The following ACBD6 variants were observed in gnomAD, a reference collection of about 807,000 sequenced individuals.
The protein encoded by ACBD6 is acyl-CoA-binding domain-containing protein 6.
ACBD6 carries 28 observed loss-of-function variants against 37.2 expected under a neutral mutation model. That is an observed-to-expected ratio of 0.75 (90% CI 0.56 to 1.03). The LOEUF (loss-of-function observed/expected upper bound fraction) is 1.03. Among genes scored for constraint, ACBD6 ranks in the 50% least tolerant of loss-of-function variants. The pLI, the probability that ACBD6 is intolerant of heterozygous loss-of-function variation, is 0.00. For synonymous variants in ACBD6, 113 were observed against 126.8 expected (o/e 0.89, Z 0.73); for missense variants, 340 against 337.4 (o/e 1.01, Z -0.06).
chr1:180,306,447 A>T (rs1162600858), intron 7 of ACBD6, among the ~76,000 whole-genome samples: 1 of 152,156 alleles, frequency 6.6e-6, no homozygotes, highest in African/African-American at 2.4e-5. Context: ...GTGCCCTGTT[A>T]ACCCCTTCTA....
rs751971723 is a variant in ACBD6 at position 180,502,178 on chromosome 1, A to G, written c.89T>C (p.Phe30Ser). ...CTCCTCGATCTCAGGGCTATGGGGG[A>G]ACTCCACCTCCCCGGAGTCGTCCCC... Reference protein sequence around the residue: ...SSGDDSGEVEFPHSPEIEETS... With the variant: ...SSGDDSGEVESPHSPEIEETS... The change falls in exon 1 of 8, where the codon TTC becomes TCC. Residue 30 changes from phenylalanine (F) to serine (S), a missense_variant. Coordinates refer to ENST00000367595, the MANE Select transcript of ACBD6 (RefSeq NM_032360.4). 3.1e-6 allele frequency: 5 copies of G among 1,613,778 alleles called. No homozygotes were observed. The African/African-American group carries it at 6.7e-5, about 22-fold the overall frequency.
intron 6 of ACBD6, among the ~76,000 whole-genome samples, chr1:180,368,836 C>A (rs776770821): frequency 5.3e-5 from 8 of 151,938 alleles, no homozygotes; most frequent in Non-Finnish European, 1.2e-4. Context: ...TATGTGGTAT[C>A]CTTTCCTCTC....
intron 10 of ACBD6, chr1:180,274,333 A>G: frequency 1.2e-6 from 2 of 1,614,178 alleles, no homozygotes; most frequent in Non-Finnish European, 1.7e-6. Flanking sequence ...GCCCCTATGG[A>G]ATCCCCCAGT....
intron 7 of ACBD6, among the ~76,000 whole-genome samples, chr1:180,297,819 C>T (rs1268351967): frequency 6.6e-6 from 1 of 152,180 alleles, no homozygotes; most frequent in Non-Finnish European, 1.5e-5. Flanking sequence ...TGGTTCACTG[C>T]AACCTCTGCC....
At chr1:180,314,204 A>C (rs899524788) in intron 7 of ACBD6, among the ~76,000 whole-genome samples, 3 of 152,184 alleles carry the variant, frequency 2.0e-5, no homozygotes, top group African/African-American at 7.2e-5. Flanking sequence ...TTTATTATAA[A>C]TGTGACCATA....
At chr1:180,425,649 T>C (rs1401650608) in intron 4 of ACBD6, among the ~76,000 whole-genome samples, 1 of 152,254 alleles carries the variant, frequency 6.6e-6, no homozygotes, top group Non-Finnish European at 1.5e-5. Context: ...TAAGTAGATT[T>C]GTTAAAAACA....
chr1:180,382,216 AAAAC>A (rs982447360), intron 6 of ACBD6, among the ~76,000 whole-genome samples: 20 of 152,016 alleles, frequency 1.3e-4, no homozygotes, highest in African/African-American at 2.4e-4. Flanking sequence ...AAGAGACTAA[AAAAC>A]AAACAAACAA....
At chr1:180,327,443 A>T (rs1254277797) in intron 6 of ACBD6, among the ~76,000 whole-genome samples, 2 of 152,200 alleles carry the variant, frequency 1.3e-5, no homozygotes, top group Non-Finnish European at 2.9e-5. Flanking sequence ...TACCCTCTTC[A>T]GTGCCTCTTT....
intron 3 of ACBD6, among the ~76,000 whole-genome samples, chr1:180,461,014 C>T (rs1650124538): frequency 6.6e-6 from 1 of 152,088 alleles, no homozygotes; most frequent in South Asian, 2.1e-4. Context: ...TAGAACATTG[C>T]AGGAGCTGAC....
At chr1:180,360,730 T>C (rs1652816234) in intron 6 of ACBD6, among the ~76,000 whole-genome samples, 2 of 152,154 alleles carry the variant, frequency 1.3e-5, no homozygotes, top group East Asian at 1.9e-4. Flanking sequence ...AATAATATTA[T>C]CTTATTCCTT....
At chr1:180,348,015 T>C (rs1348762301) in intron 6 of ACBD6, among the ~76,000 whole-genome samples, 1 of 152,148 alleles carries the variant, frequency 6.6e-6, no homozygotes, top group Non-Finnish European at 1.5e-5. Context: ...GTCTCTCTCT[T>C]AGGCATTTCC....
chr1:180,493,773 A>G (rs893388976), intron 2 of ACBD6, among the ~76,000 whole-genome samples: 1 of 152,182 alleles, frequency 6.6e-6, no homozygotes, highest in African/African-American at 2.4e-5. Context: ...CAAGATCCAC[A>G]CACAGCATTG....
intron 6 of ACBD6, among the ~76,000 whole-genome samples, chr1:180,343,684 T>A (rs151130068): frequency 6.6e-6 from 1 of 152,334 alleles, no homozygotes; most frequent in African/African-American, 2.4e-5. Context: ...GATCATGGTA[T>A]AATTTAACTT....
chr1:180,393,066 A>G (rs1178599393), intron 6 of ACBD6, among the ~76,000 whole-genome samples: 2 of 152,074 alleles, frequency 1.3e-5, no homozygotes, highest in Admixed American at 1.3e-4. Context: ...AATCAAAGTT[A>G]CTCAAGAAGT....
chr1:180,366,059 A>G (rs1653043583), intron 6 of ACBD6, among the ~76,000 whole-genome samples: 1 of 152,214 alleles, frequency 6.6e-6, no homozygotes, highest in Admixed American at 6.5e-5. Context: ...ATTTAAAAGA[A>G]CATTTAAAAT....
chr1:180,324,884 T>G (rs182827546), intron 6 of ACBD6, among the ~76,000 whole-genome samples: 183 of 152,286 alleles, frequency 1.2e-3, no homozygotes, highest in Admixed American at 7.5e-3. Flanking sequence ...GTAAATTTTT[T>G]TTTGTTTGTT....
chr1:180,329,067 C>T (rs1013560544), intron 6 of ACBD6, among the ~76,000 whole-genome samples: 15 of 152,144 alleles, frequency 9.9e-5, no homozygotes, highest in Non-Finnish European at 1.5e-5. Flanking sequence ...ATTTCTAACA[C>T]ATCTTACTTC....
At chr1:180,346,430 G>A (rs967971405) in intron 6 of ACBD6, among the ~76,000 whole-genome samples, 5 of 152,088 alleles carry the variant, frequency 3.3e-5, no homozygotes, top group East Asian at 1.9e-4. Context: ...CTTGAGTGAC[G>A]GTGGCACCAG....
intron 11 of ACBD6, chr1:180,273,766 A>G (rs1244449986): frequency 1.7e-5 from 4 of 233,458 alleles, no homozygotes; most frequent in South Asian, 6.0e-5. Context: ...TTGCTTCCCA[A>G]TCAACTAAAC....
Sources: allele counts gnomAD v4.1 joint callset (sites outside exome capture counted in the v4.1 genomes callset), GRCh38; gene constraint gnomAD v4.1.1; transcripts MANE v1.5; gene names NCBI Gene and HGNC (gene_info 2026-07-23, HGNC 2026-07-21).